The following CNTNAP2 variants were observed in gnomAD, a reference collection of about 807,000 sequenced individuals.
CNTNAP2 encodes the protein contactin associated protein 2.
A neutral mutation model predicts 155.2 loss-of-function variants in CNTNAP2; 98 were observed. The observed-to-expected ratio is 0.63, with a 90% CI of 0.54 to 0.75. The LOEUF (loss-of-function observed/expected upper bound fraction) is 0.75, where lower values mean the gene tolerates loss of function less well. CNTNAP2 is among the 30% of genes least tolerant of loss of function. The probability of loss-of-function intolerance (pLI) is 0.00; values close to 1 mark genes in which losing one functional copy is unlikely to be tolerated. For synonymous variants in CNTNAP2, 651 were observed against 631.2 expected (o/e 1.03, Z -0.47); for missense variants, 1,727 against 1,688.1 (o/e 1.02, Z -0.40).
chr7:146,775,277 A>C (rs1045297638), intron 2 of CNTNAP2, among the ~76,000 whole-genome samples: 2 of 152,172 alleles, frequency 1.3e-5, no homozygotes, highest in African/African-American at 2.4e-5. Context: ...AATATGTTGC[A>C]TCCTTGAAAA....
intron 3 of CNTNAP2, among the ~76,000 whole-genome samples, chr7:147,006,973 C>T (rs1320448761): frequency 6.6e-6 from 1 of 151,996 alleles, no homozygotes; most frequent in Non-Finnish European, 1.5e-5. Context: ...CTGGGGAACC[C>T]CCTTTATGAG....
At chr7:148,145,720 A>T (rs1251954114) in intron 16 of CNTNAP2, among the ~76,000 whole-genome samples, 2 of 152,202 alleles carry the variant, frequency 1.3e-5, no homozygotes, top group African/African-American at 4.8e-5. Context: ...CTACAGAGAA[A>T]GATCACACAG....
intron 1 of CNTNAP2, among the ~76,000 whole-genome samples, chr7:146,502,207 G>T (rs1219920475): frequency 8.9e-6 from 1 of 112,488 alleles, no homozygotes; most frequent in African/African-American, 5.2e-5. Context: ...ATATTCCATT[G>T]TGTGTGTATA....
rs150960358 is a variant in CNTNAP2, at chr7:146,451,010, G to A, written c.98-323261G>A. Among the ~76,000 whole-genome samples the A allele has an allele frequency of 7.0e-3, 1,062 of 152,052 alleles. 12 individuals are homozygous for A. The highest frequency in any genetic ancestry group is 0.024 in the African/African-American group (1,013 of 41,458). On this transcript the variant is annotated intron_variant, in intron 1 of 23. Transcript: ENST00000361727. ...CGTCCAGGCTGGAGTGCAGTGGCGT[G>A]GTCTTGGCTCACTGCAAGCTCTGAC... is the stretch of plus-strand genomic sequence containing the variant.
At chr7:146,372,173 T>C (rs867304035) in intron 1 of CNTNAP2, among the ~76,000 whole-genome samples, 4 of 152,146 alleles carry the variant, frequency 2.6e-5, no homozygotes, top group African/African-American at 9.7e-5. Context: ...GGTCCATTTA[T>C]AACGCTCTCA....
chr7:146,545,989 C>T (rs768423605), intron 1 of CNTNAP2, among the ~76,000 whole-genome samples: 25 of 151,874 alleles, frequency 1.6e-4, no homozygotes, highest in Non-Finnish European at 2.8e-4. Flanking sequence ...ATGATATATT[C>T]CACCTCATAT....
intron 1 of CNTNAP2, among the ~76,000 whole-genome samples, chr7:146,576,203 A>AT (rs112347722): frequency 7.2e-5 from 11 of 152,308 alleles, no homozygotes; most frequent in African/African-American, 2.6e-4. Flanking sequence ...CGGTGATAAG[A>AT]TTTGTTGGGT....
intron 20 of CNTNAP2, among the ~76,000 whole-genome samples, chr7:148,240,393 T>C (rs1796123494): frequency 6.6e-6 from 1 of 152,094 alleles, no homozygotes; most frequent in African/African-American, 2.4e-5. Flanking sequence ...TATCAACATG[T>C]AAATAATAAA....
chr7:146,136,976 C>T (rs1470343532), intron 1 of CNTNAP2, among the ~76,000 whole-genome samples: 5 of 152,148 alleles, frequency 3.3e-5, no homozygotes, highest in Non-Finnish European at 2.9e-5. Context: ...GGCTATTCCT[C>T]ATGATGGCAC....
At chr7:146,854,019 T>C (rs1248697675) in intron 3 of CNTNAP2, among the ~76,000 whole-genome samples, 3 of 152,186 alleles carry the variant, frequency 2.0e-5, no homozygotes, top group African/African-American at 7.2e-5. Context: ...AGCCTAGGAT[T>C]TCTATAGGAG....
At chr7:146,459,113 A>G (rs754620456) in intron 1 of CNTNAP2, among the ~76,000 whole-genome samples, 1 of 152,122 alleles carries the variant, frequency 6.6e-6, no homozygotes, top group Non-Finnish European at 1.5e-5. Flanking sequence ...CTTAATTCCT[A>G]CCATGTAATG....
intron 10 of CNTNAP2, among the ~76,000 whole-genome samples, chr7:147,472,452 A>G (rs2116611490): frequency 6.6e-6 from 1 of 152,148 alleles, no homozygotes; most frequent in South Asian, 2.1e-4. Context: ...ACTTCAAGTG[A>G]TTCACCGACC....
intron 15 of CNTNAP2, 195 bp downstream of exon 15, chr7:147,978,184 T>C (rs1262507071): frequency 1.5e-6 from 1 of 663,594 alleles, no homozygotes; most frequent in Non-Finnish European, 2.6e-6. Context: ...GATTTGGGCA[T>C]AAAGTGGGGA....
At chr7:147,803,621 C>T (rs559660623) in intron 13 of CNTNAP2, among the ~76,000 whole-genome samples, 11 of 152,308 alleles carry the variant, frequency 7.2e-5, no homozygotes, top group African/African-American at 2.6e-4. Context: ...TGGATTTCCT[C>T]TGGGGCTGCG....
At chr7:147,831,024 C>A (rs959639170) in intron 13 of CNTNAP2, among the ~76,000 whole-genome samples, 8 of 152,146 alleles carry the variant, frequency 5.3e-5, no homozygotes, top group Non-Finnish European at 1.0e-4. Flanking sequence ...AAATCTTAAT[C>A]TTTGAGTTTT....
At chr7:146,677,926 C>T (rs757912700) in intron 1 of CNTNAP2, among the ~76,000 whole-genome samples, 1 of 151,962 alleles carries the variant, frequency 6.6e-6, no homozygotes, top group East Asian at 1.9e-4. Flanking sequence ...GACTGATGTC[C>T]CACGCTCATA....
At chr7:146,246,586 C>A (rs1016525300) in intron 1 of CNTNAP2, among the ~76,000 whole-genome samples, 1 of 151,280 alleles carries the variant, frequency 6.6e-6, no homozygotes, top group Non-Finnish European at 1.5e-5. Context: ...TGAGAGTTAC[C>A]CGAAGCTCGG....
intron 1 of CNTNAP2, among the ~76,000 whole-genome samples, chr7:146,622,785 T>A (rs1446924578): frequency 6.6e-6 from 1 of 151,754 alleles, no homozygotes; most frequent in Non-Finnish European, 1.5e-5. Flanking sequence ...GGTGAAACCC[T>A]GTCTCTACTA....
At chr7:147,485,533 C>A (rs188481456) in intron 10 of CNTNAP2, among the ~76,000 whole-genome samples, 1 of 152,234 alleles carries the variant, frequency 6.6e-6, no homozygotes, top group East Asian at 1.9e-4. Flanking sequence ...GATGATACCC[C>A]TCTTTACGTC....
Sources: allele counts gnomAD v4.1 joint callset (sites outside exome capture counted in the v4.1 genomes callset), GRCh38; gene constraint gnomAD v4.1.1; transcripts MANE v1.5; gene names NCBI Gene and HGNC (gene_info 2026-07-23, HGNC 2026-07-21).